The following TMEM232 variants were observed in gnomAD, a reference collection of about 807,000 sequenced individuals.
TMEM232 encodes transmembrane protein 232.
TMEM232 carries 80 observed loss-of-function variants against 78.8 expected under a neutral mutation model. The observed-to-expected ratio is 1.01, with a 90% CI of 0.85 to 1.22. The LOEUF (loss-of-function observed/expected upper bound fraction) is 1.22, where lower values mean the gene tolerates loss of function less well. TMEM232 is among the 50% of genes most tolerant of loss of function. The pLI is 0.00. For missense variants in TMEM232, 881 were observed against 742.2 expected, an observed-to-expected ratio of 1.19 and a Z score of -2.17; for synonymous variants, 297 against 254.3, an observed-to-expected ratio of 1.17 and a Z score of -1.60.
chr5:110,537,291 A>T lies in TMEM232; in HGVS notation c.1456-8456T>A, dbSNP rs199799500. Reference sequence around the variant, plus strand: ...AAAGAGAAAACTTATATATATATATATTTTTTTTTTTCTGCAATGCTGTTT... The same window carrying T: ...AAAGAGAAAACTTATATATATATATTTTTTTTTTTTTCTGCAATGCTGTTT... On this transcript the variant is annotated intron_variant, in intron 11 of 13. Coordinates refer to ENST00000455884, the MANE Select transcript of TMEM232 (RefSeq NM_001039763.4). Among the ~76,000 whole-genome samples the T allele has an allele frequency of 6.6e-3, 904 of 136,416 alleles. 7 individuals carry two copies. Among genetic ancestry groups the T allele is most frequent in the Middle Eastern group, 0.011 (3 of 282 alleles). 89.5% of individuals were successfully genotyped at this position (136,416 alleles called of 152,430 possible).
chr5:110,632,016 T>C (rs1414516721), intron 5 of TMEM232, among the ~76,000 whole-genome samples: 4 of 151,984 alleles, frequency 2.6e-5, no homozygotes, highest in Admixed American at 2.0e-4. Context: ...CTCATCCCAC[T>C]GTTGCCACCA....
intron 12 of TMEM232, among the ~76,000 whole-genome samples, chr5:110,486,061 C>T (rs1764429729): frequency 6.6e-6 from 1 of 151,846 alleles, no homozygotes; most frequent in Admixed American, 6.6e-5. Flanking sequence ...TTGCATTTCC[C>T]TGATCATTAG....
rs1789430214 is a variant in TMEM232, at chr5:110,658,862, A to G, written c.125+8366T>C. On this transcript the variant is annotated intron_variant, in intron 2 of 13. Coordinates refer to ENST00000455884, the MANE Select transcript of TMEM232 (RefSeq NM_001039763.4). The stretch of plus-strand genomic sequence containing the variant: ...ATCTTCATCATTAGCCAATGAAAAG[A>G]AAAGTAAATTAGTCTGACAGATTCA... Among the ~76,000 whole-genome samples the G allele has an allele frequency of 2.0e-5, 3 of 152,340 alleles. No individual in the cohort carries two copies. In the South Asian group the frequency reaches 6.2e-4, roughly 32 times the overall value.
In TMEM232 at chr5:110,676,758, T is replaced by C. The variant is rs1294025254; in HGVS notation, c.-12-9394A>G. ...TTATTTATTTATTTATTTATTTATT[T>C]ATTTATTTATTTATTTAATATACGG... is the stretch of plus-strand genomic sequence containing the variant. On this transcript the variant is annotated intron_variant, in intron 1 of 13. Transcript: ENST00000455884. Among the ~76,000 whole-genome samples the C allele has an allele frequency of 2.0e-5, 3 of 149,344 alleles. No individual in the cohort carries two copies. In the East Asian group the frequency reaches 5.9e-4, roughly 29 times the overall value.
At chr5:110,709,012 T>C (rs1031379970) in intron 1 of TMEM232, among the ~76,000 whole-genome samples, 2 of 151,808 alleles carry the variant, frequency 1.3e-5, no homozygotes, top group Non-Finnish European at 2.9e-5. Context: ...AAGATACAAA[T>C]AGACTCAAAA....
chr5:110,651,930 G>A (rs867542624), intron 2 of TMEM232, among the ~76,000 whole-genome samples: 8 of 152,046 alleles, frequency 5.3e-5, no homozygotes, highest in African/African-American at 1.9e-4. Flanking sequence ...TGTAACTTTA[G>A]GTGCTTAAGT....
At chr5:110,574,974 G>C (rs966178170) in intron 10 of TMEM232, among the ~76,000 whole-genome samples, 3 of 152,086 alleles carry the variant, frequency 2.0e-5, no homozygotes, top group Non-Finnish European at 2.9e-5. Context: ...GGTGGTTCTG[G>C]AGACTCCCAA....
At chr5:110,587,818 T>A (rs1001487816) in intron 10 of TMEM232, among the ~76,000 whole-genome samples, 1 of 150,438 alleles carries the variant, frequency 6.6e-6, no homozygotes, top group Non-Finnish European at 1.5e-5. Flanking sequence ...ATTTTAGGAA[T>A]CTAAAAAATA....
At chr5:110,521,603 G>C (rs551525385) in intron 12 of TMEM232, among the ~76,000 whole-genome samples, 4 of 152,140 alleles carry the variant, frequency 2.6e-5, no homozygotes, top group African/African-American at 9.7e-5. Context: ...CTTAATTTAA[G>C]TCTTTAATCC....
At chr5:110,581,867 T>C (rs571378405) in intron 10 of TMEM232, among the ~76,000 whole-genome samples, 4 of 151,562 alleles carry the variant, frequency 2.6e-5, no homozygotes, top group Non-Finnish European at 5.9e-5. Flanking sequence ...CAGACACTTC[T>C]CAAAAGAAGA....
intron 2 of TMEM232, among the ~76,000 whole-genome samples, chr5:110,412,504 T>C (rs963018020): frequency 6.6e-6 from 1 of 152,004 alleles, no homozygotes; most frequent in Non-Finnish European, 1.5e-5. Context: ...ATGTCGAATA[T>C]GTGACTTAAA....
chr5:110,469,291 C>T lies in TMEM232; in HGVS notation c.1704-44375G>A, dbSNP rs115895143. On this transcript the variant is annotated intron_variant, in intron 12 of 13. Transcript: ENST00000455884. ...TTGAGTAGCCATGGAAATCTCCCATCCCTGAGGCTTAGCAGCCACTAAATC... is the reference window on the plus strand; with the variant it reads ...TTGAGTAGCCATGGAAATCTCCCATTCCTGAGGCTTAGCAGCCACTAAATC... Among the ~76,000 whole-genome samples, 868 of 152,334 alleles carry T rather than the reference C, an allele frequency of 5.7e-3. 4 individuals are homozygous for T. The highest frequency in any genetic ancestry group is 8.5e-3 in the Non-Finnish European group (579 of 68,024).
chr5:110,566,674 G>A (rs1467651030), intron 11 of TMEM232, among the ~76,000 whole-genome samples: 1 of 151,864 alleles, frequency 6.6e-6, no homozygotes, highest in Non-Finnish European at 1.5e-5. Flanking sequence ...TTTGGTGAAA[G>A]CCATTCAACA....
At chr5:110,677,385 T>A (rs1792160126) in intron 1 of TMEM232, among the ~76,000 whole-genome samples, 1 of 152,194 alleles carries the variant, frequency 6.6e-6, no homozygotes, top group Non-Finnish European at 1.5e-5. Flanking sequence ...CCCAGCTGAA[T>A]CTGCCTGGAT....
chr5:110,494,294 C>CA (rs1765421885), intron 12 of TMEM232, among the ~76,000 whole-genome samples: 1 of 151,512 alleles, frequency 6.6e-6, no homozygotes, highest in Non-Finnish European at 1.5e-5. Context: ...ATAAATAAGC[C>CA]AAAAATATGT....
intron 2 of TMEM232, among the ~76,000 whole-genome samples, chr5:110,406,277 C>CACACACAT (rs1454448111): frequency 1.3e-5 from 2 of 149,984 alleles, no homozygotes; most frequent in Non-Finnish European, 3.0e-5. Flanking sequence ...CACACACACA[C>CACACACAT]ACACACACAC....
chr5:110,506,523 A>G lies in TMEM232; in HGVS notation c.1703+22065T>C, dbSNP rs149444427. The stretch of plus-strand genomic sequence containing the variant: ...TTGTGACTCCCCAAGACAGCCAAAT[A>G]GGATCATTCAAATCCTAAAGGAAGT... On this transcript the variant is annotated intron_variant, in intron 12 of 13. Transcript: ENST00000455884. Among the ~76,000 whole-genome samples the G allele has an allele frequency of 6.5e-3, 983 of 152,314 alleles. 6 individuals are homozygous for G. The highest frequency in any genetic ancestry group is 0.011 in the African/African-American group (452 of 41,576).
chr5:110,504,717 C>CT (rs143699547), intron 12 of TMEM232, among the ~76,000 whole-genome samples: 1 of 152,222 alleles, frequency 6.6e-6, no homozygotes, highest in East Asian at 1.9e-4. Flanking sequence ...AAGGGTTAGC[C>CT]TTTTTGTTCT....
In TMEM232 at chr5:110,425,727, C is replaced by T. The variant is rs1169199704; in HGVS notation, c.1704-811G>A. On this transcript the variant is annotated intron_variant, in intron 12 of 13. Transcript: ENST00000455884. ...TACCTTCATCTCCACCATCACTTCC[C>T]GAGGCCAAGCCACCATAATCTCTCA... 1.4e-4 allele frequency among the ~76,000 whole-genome samples: 21 copies of T among 152,194 alleles called. 1 individual carries two copies. The highest frequency in any genetic ancestry group is 1.2e-3 in the Admixed American group (18 of 15,256).
Sources: allele counts gnomAD v4.1 joint callset (sites outside exome capture counted in the v4.1 genomes callset), GRCh38; gene constraint gnomAD v4.1.1; transcripts MANE v1.5; gene names NCBI Gene and HGNC (gene_info 2026-07-23, HGNC 2026-07-21).